PTPRG: variants seen among roughly 807,000 people sequenced by gnomAD.
The protein encoded by PTPRG is protein tyrosine phosphatase receptor type G.
A neutral mutation model predicts 165.3 loss-of-function variants in PTPRG; 102 were observed. The ratio of observed to expected loss-of-function variants is 0.62; its 90% CI spans 0.53 to 0.73. PTPRG has a LOEUF of 0.73. Among genes scored for constraint, PTPRG ranks in the 30% least tolerant of loss-of-function variants. The pLI is 0.00. For synonymous variants in PTPRG, 675 were observed against 669.5 expected (o/e 1.01, Z -0.13); for missense variants, 1,866 against 1,861.4 (o/e 1.00, Z -0.05).
intron 1 of PTPRG, among the ~76,000 whole-genome samples, chr3:61,718,226 A>C (rs1460058816): frequency 1.3e-5 from 2 of 151,878 alleles, no homozygotes; most frequent in African/African-American, 4.8e-5. Context: ...AAAAAAAAAA[A>C]AAACGCAGAC....
intron 1 of PTPRG, among the ~76,000 whole-genome samples, chr3:61,591,969 G>A (rs1276855003): frequency 6.6e-6 from 1 of 151,754 alleles, no homozygotes; most frequent in Non-Finnish European, 1.5e-5. Flanking sequence ...CCACACAGTG[G>A]AGTGCTAATT....
intron 4 of PTPRG, among the ~76,000 whole-genome samples, chr3:62,061,243 G>A (rs1264353427): frequency 6.6e-6 from 1 of 152,216 alleles, no homozygotes; most frequent in Non-Finnish European, 1.5e-5. Context: ...TTCCTGGGCA[G>A]ACTTCTGAGT....
chr3:62,272,951 G>T lies in PTPRG; in HGVS notation c.3188G>T (p.Gly1063Val). 1 of 1,608,966 alleles carries T rather than the reference G, an allele frequency of 6.2e-7. No homozygotes were observed. Among genetic ancestry groups the T allele is most frequent in the Non-Finnish European group, 8.5e-7 (1 of 1,177,910 alleles). The change falls in exon 22 of 30, where the codon GGT (glycine) becomes GTT (valine). Residue 1063 changes from glycine (G) to valine (V), a missense_variant. Coordinates refer to ENST00000474889, the MANE Select transcript of PTPRG (RefSeq NM_002841.4). ...AGTGTCTTCATTTCTTACAGTGCTG[G>T]TGTGGGCAGAACAGGCACCTATATT... ...TGPVLVHCSA[G>V]VGRTGTYIVI...
At chr3:62,084,913 T>C (rs1378408043) in intron 5 of PTPRG, among the ~76,000 whole-genome samples, 1 of 152,226 alleles carries the variant, frequency 6.6e-6, no homozygotes, top group African/African-American at 2.4e-5. Flanking sequence ...ATTGTGTAAA[T>C]ACTTAGCTGA....
At chr3:61,765,082 G>C (rs1253763765) in intron 2 of PTPRG, among the ~76,000 whole-genome samples, 5 of 152,234 alleles carry the variant, frequency 3.3e-5, no homozygotes, top group Non-Finnish European at 5.9e-5. Context: ...GCTGCTGTGA[G>C]GTTCTACCTT....
intron 2 of PTPRG, among the ~76,000 whole-genome samples, chr3:61,933,682 C>T (rs1219335107): frequency 3.9e-5 from 5 of 127,620 alleles, no homozygotes; most frequent in East Asian, 2.7e-4. Flanking sequence ...TGGCCACTGA[C>T]GCCCCTTCCA....
At chr3:61,930,827 A>T (rs1418471406) in intron 2 of PTPRG, among the ~76,000 whole-genome samples, 1 of 152,206 alleles carries the variant, frequency 6.6e-6, no homozygotes. Flanking sequence ...TGGGAGGCCG[A>T]GGCCGGTGGA....
At position 61,795,747 on chromosome 3, in the gene PTPRG, A is replaced by G. The variant is rs989527856; in HGVS notation, c.190+46765A>G. On this transcript the variant is annotated intron_variant, in intron 2 of 29. Coordinates refer to ENST00000474889, the MANE Select transcript of PTPRG (RefSeq NM_002841.4). ...TGCCTGGTTGGCATAAGTGCTTAGT[A>G]TATACCGGCTATTTTTATTATTTTT... Among the ~76,000 whole-genome samples, 7 of 151,390 alleles carry G rather than the reference A, an allele frequency of 4.6e-5. No individual in the cohort carries two copies. In the East Asian group the frequency reaches 1.4e-3, roughly 29 times the overall value.
intron 4 of PTPRG, among the ~76,000 whole-genome samples, chr3:62,003,987 G>A (rs921781949): frequency 1.3e-5 from 2 of 152,106 alleles, no homozygotes; most frequent in Non-Finnish European, 2.9e-5. Flanking sequence ...ATTTTGTTAG[G>A]ATTGATGGTG....
At chr3:61,838,650 A>G (rs1320421710) in intron 2 of PTPRG, among the ~76,000 whole-genome samples, 1 of 152,218 alleles carries the variant, frequency 6.6e-6, no homozygotes, top group African/African-American at 2.4e-5. Context: ...TACCAGAATG[A>G]CTTTTTAAAA....
At chr3:61,798,622 T>G (rs1228277149) in intron 2 of PTPRG, among the ~76,000 whole-genome samples, 2 of 150,948 alleles carry the variant, frequency 1.3e-5, no homozygotes, top group Admixed American at 1.3e-4. Context: ...GCTGCTGGTT[T>G]TTTTTTTTTT....
At chr3:62,234,537 A>G (rs1414282298) in intron 14 of PTPRG, among the ~76,000 whole-genome samples, 1 of 152,042 alleles carries the variant, frequency 6.6e-6, no homozygotes, top group Non-Finnish European at 1.5e-5. Context: ...GTGAAAAAGA[A>G]ACGGTGTCTC....
intron 2 of PTPRG, among the ~76,000 whole-genome samples, chr3:61,840,782 G>GTTTTTTTTTTTTTTTTTTT (rs149041037): frequency 1.0e-4 from 12 of 120,104 alleles, no homozygotes; most frequent in Non-Finnish European, 1.4e-4. Context: ...TTGTTTGTTT[G>GTTTTTTTTTTTTTTTTTTT]TTTTTTTTTT....
intron 1 of PTPRG, among the ~76,000 whole-genome samples, chr3:61,621,461 T>G (rs997134374): frequency 2.0e-5 from 3 of 152,202 alleles, no homozygotes; most frequent in African/African-American, 7.2e-5. Flanking sequence ...TGAAATAGCT[T>G]AAGTCAACTA....
At chr3:61,734,382 T>C (rs1460458869) in intron 1 of PTPRG, among the ~76,000 whole-genome samples, 1 of 152,196 alleles carries the variant, frequency 6.6e-6, no homozygotes, top group Non-Finnish European at 1.5e-5. Context: ...TTGCTCCTAA[T>C]ACCATCTATT....
intron 1 of PTPRG, among the ~76,000 whole-genome samples, chr3:61,612,884 TGTGTGC>T (rs1054228407): frequency 4.8e-5 from 6 of 125,228 alleles, no homozygotes; most frequent in Admixed American, 8.2e-5. Context: ...TGTGTGTGTG[TGTGTGC>T]GCACTTGTAA....
At chr3:62,110,015 G>C (rs1702610941) in intron 5 of PTPRG, among the ~76,000 whole-genome samples, 2 of 149,974 alleles carry the variant, frequency 1.3e-5, no homozygotes, top group South Asian at 4.2e-4. Context: ...ATCAGCCTTT[G>C]CACAGAGGGC....
intron 19 of PTPRG, among the ~76,000 whole-genome samples, chr3:62,268,765 T>A (rs1398608749): frequency 1.3e-5 from 2 of 152,190 alleles, no homozygotes; most frequent in Admixed American, 1.3e-4. Flanking sequence ...TAAAAATGCA[T>A]TATAATGCAA....
chr3:61,925,462 G>C (rs931786627), intron 2 of PTPRG, among the ~76,000 whole-genome samples: 3 of 152,304 alleles, frequency 2.0e-5, no homozygotes, highest in Non-Finnish European at 4.4e-5. Context: ...CACTGGTCAG[G>C]GCTGGGTGCA....
Sources: allele counts gnomAD v4.1 joint callset (sites outside exome capture counted in the v4.1 genomes callset), GRCh38; gene constraint gnomAD v4.1.1; transcripts MANE v1.5; gene names NCBI Gene and HGNC (gene_info 2026-07-23, HGNC 2026-07-21).